HDX: variants seen among roughly 807,000 people sequenced by gnomAD.
HDX encodes highly divergent homeobox.
Under a neutral mutation model 45.2 loss-of-function variants are expected in HDX, and 19 were observed. The observed-to-expected ratio is 0.42, with a 90% CI of 0.29 to 0.62. The LOEUF (loss-of-function observed/expected upper bound fraction) is 0.62, where lower values mean the gene tolerates loss of function less well. Among genes scored for constraint, HDX ranks in the 20% least tolerant of loss-of-function variants. The pLI, the probability that HDX is intolerant of heterozygous loss-of-function variation, is 0.20. For synonymous variants in HDX, 188 were observed against 172.8 expected (o/e 1.09, Z -0.69); for missense variants, 532 against 493.9 (o/e 1.08, Z -0.73).
intron 7 of HDX, among the ~76,000 whole-genome samples, chrX:84,343,660 A>G: frequency 9.0e-6 from 1 of 111,152 alleles, no homozygotes; most frequent in Middle Eastern, 4.6e-3. Flanking sequence ...GTCAAAAGAG[A>G]ATCCTATCTA....
At chrX:84,493,592 A>C (rs899233548) in intron 1 of HDX, among the ~76,000 whole-genome samples, 35 of 112,122 alleles carry the variant, frequency 3.1e-4, no homozygotes, top group Admixed American at 2.5e-3. Context: ...ACTAAATTCT[A>C]AAGAAAGCTT....
At position 84,317,966 on chromosome X, in the gene HDX, A is replaced by G. The variant is rs1335780401; in HGVS notation, c.*3923T>C. 1.8e-5 allele frequency: 2 copies of G among 111,343 alleles called. No homozygotes were observed. The highest frequency in any genetic ancestry group is 1.9e-4 in the Admixed American group (2 of 10,438). 9.2% of individuals were successfully genotyped at this position (111,343 alleles called of 1,213,427 possible). ...TACAGTCTGATGTGGTTTTAAGGTG[A>G]CAGTATATTTCAGAGGTAGTACTAG... On this transcript the variant is annotated 3_prime_UTR_variant, in exon 11 of 11. Transcript: ENST00000373177.
At chrX:84,338,809 G>A (rs1184923287) in intron 7 of HDX, among the ~76,000 whole-genome samples, 6 of 110,962 alleles carry the variant, frequency 5.4e-5, no homozygotes. Context: ...CATGGGGGTA[G>A]ATTTCCCTTT....
At chrX:84,386,673 A>G (rs2038327415) in intron 5 of HDX, among the ~76,000 whole-genome samples, 1 of 111,395 alleles carries the variant, frequency 9.0e-6, no homozygotes, top group South Asian at 3.7e-4. Flanking sequence ...AGCATCTTAT[A>G]TTTCTGTGGG....
At chrX:84,464,014 C>T (rs1219915140) in intron 4 of HDX, among the ~76,000 whole-genome samples, 3 of 111,241 alleles carry the variant, frequency 2.7e-5, no homozygotes, top group African/African-American at 6.5e-5. Flanking sequence ...AATAGTATCA[C>T]GGCTTGAAGA....
chrX:84,427,993 T>TA (rs1277126204), intron 5 of HDX, among the ~76,000 whole-genome samples: 1 of 110,802 alleles, frequency 9.0e-6, no homozygotes, highest in Non-Finnish European at 1.9e-5. Context: ...AGTGTGTGTG[T>TA]ACTGGGCGCA....
At position 84,347,201 on chromosome X, in the gene HDX, A is replaced by AT. The variant is rs1246085532; in HGVS notation, c.1453-2745dup. ...ATTTTGTCGTCTTTTTCTAGTTTCT[A>AT]TTTTTTTCACTATCTTCTTTTTTTA... On this transcript the variant is annotated intron_variant, in intron 6 of 10. Transcript: ENST00000373177. Among the ~76,000 whole-genome samples the AT allele has an allele frequency of 3.8e-5, 4 of 106,403 alleles. No homozygotes were observed. In the South Asian group the frequency reaches 1.2e-3, roughly 32 times the overall value. 92.4% of individuals were successfully genotyped at this position (106,403 alleles called of 115,157 possible). A position where few individuals can be genotyped will look rare whatever the true frequency, so the allele number is the denominator to read the frequency against.
chrX:84,322,609 C>T (rs2036620441), intron 10 of HDX, among the ~76,000 whole-genome samples: 1 of 110,738 alleles, frequency 9.0e-6, no homozygotes, highest in African/African-American at 3.3e-5. Context: ...ACAGCTGAAT[C>T]AGTGGATCTA....
At chrX:84,446,797 C>T (rs2039883414) in intron 4 of HDX, among the ~76,000 whole-genome samples, 1 of 112,214 alleles carries the variant, frequency 8.9e-6, no homozygotes, top group South Asian at 3.7e-4. Context: ...GGAGATTTCA[C>T]AGTGTTTTTA....
intron 7 of HDX, among the ~76,000 whole-genome samples, chrX:84,339,510 CTA>C (rs1386501888): frequency 9.0e-6 from 1 of 111,484 alleles, no homozygotes; most frequent in African/African-American, 3.3e-5. Context: ...AAAATTAAAA[CTA>C]TATTGAGGAT....
chrX:84,358,363 A>T (rs1187276205), intron 6 of HDX, among the ~76,000 whole-genome samples: 3 of 111,794 alleles, frequency 2.7e-5, no homozygotes, highest in African/African-American at 9.7e-5. Context: ...TGATTTAAAA[A>T]AAATAAAAAT....
chrX:84,393,187 C>G (rs1362896780), intron 5 of HDX, among the ~76,000 whole-genome samples: 1 of 111,304 alleles, frequency 9.0e-6, no homozygotes, highest in East Asian at 2.8e-4. Context: ...TGTTGAGGTG[C>G]GTTCTTTCTG....
At chrX:84,500,692 G>T (rs184976949) in intron 1 of HDX, among the ~76,000 whole-genome samples, 1 of 111,218 alleles carries the variant, frequency 9.0e-6, no homozygotes, top group Non-Finnish European at 1.9e-5. Context: ...ACGTGGAGGG[G>T]ACAGTAATGG....
intron 5 of HDX, among the ~76,000 whole-genome samples, chrX:84,405,588 C>CTTTTTTTT (rs55758874): frequency 1.7e-5 from 1 of 58,198 alleles, no homozygotes; most frequent in Non-Finnish European, 3.3e-5. Context: ...GGATTTTCTG[C>CTTTTTTTT]TTTTTTTTTT....
intron 5 of HDX, among the ~76,000 whole-genome samples, chrX:84,379,781 T>C (rs2038145099): frequency 9.1e-6 from 1 of 109,887 alleles, no homozygotes; most frequent in African/African-American, 3.3e-5. Flanking sequence ...GGAAAAATCA[T>C]CAAATACACA....
intron 5 of HDX, among the ~76,000 whole-genome samples, chrX:84,432,670 C>A (rs1404876233): frequency 9.0e-6 from 1 of 110,980 alleles, no homozygotes; most frequent in Non-Finnish European, 1.9e-5. Flanking sequence ...TTGTACACTG[C>A]TTTTGTATCT....
At chrX:84,336,203 T>C (rs1481420186) in intron 8 of HDX, among the ~76,000 whole-genome samples, 2 of 111,265 alleles carry the variant, frequency 1.8e-5, no homozygotes, top group Non-Finnish European at 3.8e-5. Flanking sequence ...TCACTATATG[T>C]TTACATTTTC....
chrX:84,491,260 T>G (rs1381981556), intron 1 of HDX, among the ~76,000 whole-genome samples: 2 of 112,033 alleles, frequency 1.8e-5, no homozygotes, highest in African/African-American at 6.5e-5. Context: ...TGAATACTTT[T>G]TATTTGTATG....
rs5922966 is a variant in HDX, at chrX:84,336,858, C to T, written c.1683G>A (p.Pro561=). 197,967 of 1,181,332 alleles carry T rather than the reference C, an allele frequency of 0.17. 13,301 individuals carry two copies. Among genetic ancestry groups the T allele is most frequent in the Non-Finnish European group, 0.19 (166,918 of 874,842 alleles). ...CTTCCTTATGAGCCCTTGCATCATT[C>T]GGAACAACTTCATTGGGCTCTTCTA... ...SSQEEPNEVV[P]NDARAHKEED... is the part of the protein sequence containing the mutation. The change falls in exon 8 of 11, where the codon CCG becomes CCA. Residue 561 remains proline (P), a synonymous_variant. Coordinates refer to ENST00000373177, the MANE Select transcript of HDX (RefSeq NM_001177479.2).
Sources: gnomAD v4.1 joint callset for allele counts (sites outside exome capture counted in the v4.1 genomes callset) on GRCh38, gnomAD v4.1.1 for gene constraint, MANE v1.5 for transcripts, NCBI Gene and HGNC (gene_info 2026-07-23, HGNC 2026-07-21) for gene names.